Variants in MITF observed in about 807,000 individuals in gnomAD.
MITF encodes the protein microphthalmia-associated transcription factor.
Under a neutral mutation model 60.5 loss-of-function variants are expected in MITF, and 17 were observed. The ratio of observed to expected loss-of-function variants is 0.28; its 90% CI spans 0.19 to 0.42. The LOEUF is 0.42. Ranked by LOEUF, MITF falls within the 10% of genes least tolerant of loss-of-function variation. The pLI, the probability that MITF is intolerant of heterozygous loss-of-function variation, is 1.00. For synonymous variants in MITF, 260 were observed against 248.5 expected (o/e 1.05, Z -0.43); for missense variants, 622 against 683.5 (o/e 0.91, Z 1.00).
At chr3:69,796,719 G>A (rs2062837367) in intron 1 of MITF, among the ~76,000 whole-genome samples, 1 of 149,862 alleles carries the variant, frequency 6.7e-6, no homozygotes, top group Non-Finnish European at 1.5e-5. Context: ...TGTTAGCCAG[G>A]ATGGTCTCGA....
intron 1 of MITF, among the ~76,000 whole-genome samples, chr3:69,801,785 G>C (rs2062924068): frequency 6.6e-6 from 1 of 152,156 alleles, no homozygotes; most frequent in African/African-American, 2.4e-5. Flanking sequence ...ATGGGCTATA[G>C]AGTATGGTGG....
intron 2 of MITF, among the ~76,000 whole-genome samples, chr3:69,896,794 G>A (rs775675434): frequency 6.0e-4 from 92 of 152,264 alleles, no homozygotes; most frequent in Non-Finnish European, 5.3e-4. Flanking sequence ...TGAGCTGGTT[G>A]GCTTTGATTG....
At chr3:69,816,919 T>C (rs1232303746) in intron 1 of MITF, among the ~76,000 whole-genome samples, 1 of 152,206 alleles carries the variant, frequency 6.6e-6, no homozygotes, top group Non-Finnish European at 1.5e-5. Flanking sequence ...GTGAAAGTGC[T>C]GCAAGTCTTG....
At chr3:69,821,003 C>A (rs1529586) in intron 1 of MITF, among the ~76,000 whole-genome samples, 51,171 of 151,878 alleles carry the variant, frequency 0.34, 9,651 homozygotes, top group Non-Finnish European at 0.42. Flanking sequence ...ATTTCAGCCT[C>A]GTTGTAGGAT....
At chr3:69,952,790 G>T (rs1031938267) in intron 7 of MITF, among the ~76,000 whole-genome samples, 1 of 151,932 alleles carries the variant, frequency 6.6e-6, no homozygotes, top group Admixed American at 6.6e-5. Flanking sequence ...GTATCATATT[G>T]TCCATTTTAT....
chr3:69,812,326 A>G (rs1205792017), intron 1 of MITF, among the ~76,000 whole-genome samples: 1 of 152,120 alleles, frequency 6.6e-6, no homozygotes, highest in Non-Finnish European at 1.5e-5. Flanking sequence ...AGTTGTAGAA[A>G]TGCCTTGAAA....
intron 2 of MITF, among the ~76,000 whole-genome samples, chr3:69,913,814 A>T (rs1261428104): frequency 2.6e-5 from 4 of 152,184 alleles, no homozygotes; most frequent in Non-Finnish European, 4.4e-5. Context: ...ATGCCTACTC[A>T]ACCTTCCCAT....
At chr3:69,838,194 G>A (rs1318845920) in intron 1 of MITF, among the ~76,000 whole-genome samples, 1 of 152,092 alleles carries the variant, frequency 6.6e-6, no homozygotes, top group Non-Finnish European at 1.5e-5. Flanking sequence ...TTAAAAGATG[G>A]TTTGTCAAGT....
intron 1 of MITF, among the ~76,000 whole-genome samples, chr3:69,845,275 G>A (rs1252721254): frequency 2.0e-5 from 3 of 151,810 alleles, no homozygotes; most frequent in Non-Finnish European, 2.9e-5. Flanking sequence ...TTAAAATTAG[G>A]AGAATGACTT....
intron 1 of MITF, among the ~76,000 whole-genome samples, chr3:69,754,209 T>A (rs1704042779): frequency 6.6e-6 from 1 of 151,382 alleles, no homozygotes; most frequent in African/African-American, 2.4e-5. Flanking sequence ...CCCCTGTTAG[T>A]CTCTCTCTCT....
chr3:69,854,654 G>A (rs964888097), intron 1 of MITF, among the ~76,000 whole-genome samples: 1 of 152,142 alleles, frequency 6.6e-6, no homozygotes, highest in Non-Finnish European at 1.5e-5. Context: ...GGTGCTTATT[G>A]TACAATAGAG....
intron 1 of MITF, among the ~76,000 whole-genome samples, chr3:69,833,416 CCG>C (rs1404034825): frequency 9.2e-5 from 14 of 151,704 alleles, no homozygotes; most frequent in South Asian, 6.3e-4. Context: ...GGTGGTTTCC[CCG>C]TTTACACTGT....
At chr3:69,941,736 T>C (rs1339126342) in intron 5 of MITF, among the ~76,000 whole-genome samples, 2 of 152,186 alleles carry the variant, frequency 1.3e-5, no homozygotes, top group Non-Finnish European at 2.9e-5. Context: ...TCTTAGGTGA[T>C]AGAGGGACAT....
At chr3:69,907,506 G>T (rs2065126735) in intron 2 of MITF, among the ~76,000 whole-genome samples, 2 of 152,162 alleles carry the variant, frequency 1.3e-5, no homozygotes, top group African/African-American at 4.8e-5. Context: ...ACTCATGATG[G>T]ACAACTTTGA....
In MITF at chr3:69,965,104, C is replaced by A; in HGVS notation, c.1437C>A (p.Ser479=). 6.2e-7 allele frequency: 1 copy of A among 1,614,108 alleles called. No homozygotes were observed. The change falls in exon 10 of 10, where the codon TCC becomes TCA. Residue 479 remains serine (S), a synonymous_variant. Coordinates refer to ENST00000352241, the MANE Select transcript of MITF (RefSeq NM_001354604.2). ...ATAGTGTCCCCACAAAAATGGGATC[C>A]AAACTGGAAGACATCCTGATGGACG... ...QAYSVPTKMG[S]KLEDILMDDT... is the part of the protein sequence containing the mutation.
chr3:69,833,171 T>C (rs2063479827), intron 1 of MITF, among the ~76,000 whole-genome samples: 1 of 151,238 alleles, frequency 6.6e-6, no homozygotes, highest in African/African-American at 2.4e-5. Flanking sequence ...GTGGTTATTT[T>C]TCTATTTACA....
At chr3:69,820,214 A>G (rs2063246978) in intron 1 of MITF, among the ~76,000 whole-genome samples, 1 of 152,146 alleles carries the variant, frequency 6.6e-6, no homozygotes, top group African/African-American at 2.4e-5. Context: ...CACGTGCTTC[A>G]TTTTGTTTTT....
chr3:69,832,277 T>A (rs772580022), intron 1 of MITF, among the ~76,000 whole-genome samples: 6 of 152,094 alleles, frequency 3.9e-5, no homozygotes, highest in Non-Finnish European at 8.8e-5. Flanking sequence ...TTAACATCTT[T>A]CTCTATCTCA....
At chr3:69,876,931 G>A (rs28548134) in intron 1 of MITF, among the ~76,000 whole-genome samples, 2,395 of 152,174 alleles carry the variant, frequency 0.016, 64 homozygotes, top group African/African-American at 0.053. Context: ...TATAGTTGAG[G>A]GGAGTAAAAT....
Sources: allele counts gnomAD v4.1 joint callset (sites outside exome capture counted in the v4.1 genomes callset), GRCh38; gene constraint gnomAD v4.1.1; transcripts MANE v1.5; gene names NCBI Gene and HGNC (gene_info 2026-07-23, HGNC 2026-07-21).